The following CHST8 variants were observed in gnomAD, a reference collection of about 807,000 sequenced individuals.
CHST8 encodes the protein GALNAC-4-ST1.
A neutral mutation model predicts 15.0 loss-of-function variants in CHST8; 10 were observed. That is an observed-to-expected ratio of 0.67 (90% CI 0.41 to 1.13). The LOEUF (loss-of-function observed/expected upper bound fraction) is 1.13, where lower values mean the gene tolerates loss of function less well. CHST8 is among the 50% of genes most tolerant of loss of function. The probability of loss-of-function intolerance (pLI) is 0.00; values close to 1 mark genes in which losing one functional copy is unlikely to be tolerated. For synonymous variants in CHST8, 259 were observed against 256.6 expected, an observed-to-expected ratio of 1.01 and a Z score of -0.09; for missense variants, 634 against 608.2, an observed-to-expected ratio of 1.04 and a Z score of -0.45.
In CHST8 at chr19:33,726,194, G is replaced by C. The variant is rs78925746; in HGVS notation, c.130+36803G>C. 6.2e-3 allele frequency among the ~76,000 whole-genome samples: 940 copies of C among 152,236 alleles called. 6 individuals are homozygous for C. Among genetic ancestry groups the C allele is most frequent in the Middle Eastern group, 0.024 (7 of 294 alleles). ...GAAGGTGTGGTGGTAGATGGGGCAG[G>C]GGACAGGGCCAGCCAGTCACATACC... On this transcript the variant is annotated intron_variant, in intron 3 of 4. Transcript: ENST00000650847.
At chr19:33,726,556 A>G (rs1973904067) in intron 3 of CHST8, among the ~76,000 whole-genome samples, 1 of 152,066 alleles carries the variant, frequency 6.6e-6, no homozygotes, top group Non-Finnish European at 1.5e-5. Context: ...TAATAATAAT[A>G]AAAGTGTGAG....
chr19:33,772,709 T>G lies in CHST8; in HGVS notation c.921T>G (p.Arg307=). The change falls in exon 5 of 5, where the codon CGT becomes CGG. Residue 307 remains arginine, a synonymous_variant. Coordinates refer to ENST00000650847, the MANE Select transcript of CHST8 (RefSeq NM_001127895.2). ...CCCTGCGGACCGGCTCTGGGGTGCG[T>G]TTTCCCGAGTTCGTCCAGTACCTGC... ...REALRTGSGV[R]FPEFVQYLLD... The G allele has an allele frequency of 6.2e-7, 1 of 1,613,278 alleles. No homozygotes were observed. The highest frequency in any genetic ancestry group is 1.7e-4 in the Middle Eastern group (1 of 6,060).
rs1371595682 is a variant in CHST8 at position 33,772,866 on chromosome 19, A to G, written c.1078A>G (p.Ser360Gly). The G allele has an allele frequency of 1.2e-6, 2 of 1,613,336 alleles. No homozygotes were observed. Among genetic ancestry groups the G allele is most frequent in the African/African-American group, 2.7e-5 (2 of 74,924 alleles). The change falls in exon 5 of 5, where the codon AGC (serine) becomes GGC (glycine). Residue 360 changes from serine (S) to glycine (G), a missense_variant. Transcript: ENST00000650847. The stretch of plus-strand genomic sequence containing the variant: ...GGAGGACGATGCCAACTTCTTCCTG[A>G]GCCTCATCCGCGCGCCGCGGAACCT... ...SMEDDANFFL[S>G]LIRAPRNLTF...
At chr19:33,731,323 A>G (rs1973988667) in intron 3 of CHST8, among the ~76,000 whole-genome samples, 1 of 152,216 alleles carries the variant, frequency 6.6e-6, no homozygotes, top group East Asian at 1.9e-4. Context: ...TTTCCGAGAA[A>G]GGGGTGGGCA....
intron 3 of CHST8, among the ~76,000 whole-genome samples, chr19:33,732,478 C>A (rs971354600): frequency 6.6e-6 from 1 of 151,702 alleles, no homozygotes; most frequent in Non-Finnish European, 1.5e-5. Flanking sequence ...GTCAGGTGTT[C>A]CTGTGAATCT....
intron 1 of CHST8, among the ~76,000 whole-genome samples, chr19:33,650,501 CTTTTTCT>C (rs1269854258): frequency 1.2e-4 from 6 of 50,928 alleles, no homozygotes; most frequent in Admixed American, 1.0e-3. Flanking sequence ...TTTTCTTTTT[CTTTTTCT>C]TTTTCTTTTC....
chr19:33,633,172 T>C (rs936162457), intron 1 of CHST8, among the ~76,000 whole-genome samples: 1 of 152,230 alleles, frequency 6.6e-6, no homozygotes, highest in Non-Finnish European at 1.5e-5. Flanking sequence ...ATGCAGTATG[T>C]ATGCTCCCAT....
chr19:33,696,377 G>A (rs10421424), intron 3 of CHST8, among the ~76,000 whole-genome samples: 51,004 of 151,620 alleles, frequency 0.34, 9,042 homozygotes, highest in Middle Eastern at 0.44. Flanking sequence ...AGTGGTGCGC[G>A]AGCTATCAAA....
intron 2 of CHST8, among the ~76,000 whole-genome samples, chr19:33,679,702 G>C (rs1206680144): frequency 6.6e-6 from 1 of 152,192 alleles, no homozygotes; most frequent in Admixed American, 6.5e-5. Flanking sequence ...TCAGATCTGG[G>C]GTGGCGCTTA....
intron 3 of CHST8, among the ~76,000 whole-genome samples, chr19:33,750,867 A>T (rs1568354932): frequency 6.6e-6 from 1 of 151,548 alleles, no homozygotes; most frequent in Non-Finnish European, 1.5e-5. Context: ...CAGGCTCACC[A>T]CTGGTACCCC....
intron 1 of CHST8, among the ~76,000 whole-genome samples, chr19:33,626,125 G>A (rs555538927): frequency 2.6e-5 from 4 of 152,282 alleles, no homozygotes; most frequent in African/African-American, 9.6e-5. Flanking sequence ...TGCGGCAGAC[G>A]CCATCTCATT....
chr19:33,657,156 C>CACAAAAAA (rs756944119), intron 1 of CHST8, among the ~76,000 whole-genome samples: 2 of 146,520 alleles, frequency 1.4e-5, no homozygotes, highest in African/African-American at 5.4e-5. Context: ...CACACACACA[C>CACAAAAAA]AAACACACAT....
chr19:33,681,003 C>T (rs777188615), intron 2 of CHST8, among the ~76,000 whole-genome samples: 12 of 152,224 alleles, frequency 7.9e-5, no homozygotes, highest in South Asian at 2.1e-4. Context: ...TTTGCAAAAC[C>T]GTAGAACAGT....
intron 1 of CHST8, among the ~76,000 whole-genome samples, chr19:33,627,890 C>T (rs1972076402): frequency 6.6e-6 from 1 of 152,140 alleles, no homozygotes; most frequent in Admixed American, 6.5e-5. Context: ...TGGAGACCCT[C>T]CTCATTTATT....
intron 3 of CHST8, among the ~76,000 whole-genome samples, chr19:33,733,364 G>A (rs1974028164): frequency 6.6e-6 from 1 of 151,662 alleles, no homozygotes; most frequent in African/African-American, 2.4e-5. Flanking sequence ...CTCCCAAGTA[G>A]CTAAGATTAC....
rs140457879 is a variant in CHST8, at chr19:33,651,732, T to C, written c.-163-16035T>C. Among the ~76,000 whole-genome samples, 927 of 152,324 alleles carry C rather than the reference T, an allele frequency of 6.1e-3. 9 individuals carry two copies. Among genetic ancestry groups the C allele is most frequent in the Middle Eastern group, 0.017 (5 of 294 alleles). On this transcript the variant is annotated intron_variant, in intron 1 of 4. Transcript: ENST00000650847. Reference sequence around the variant, plus strand: ...AGTTTCTAATTTTATTGCATTGTGGTGCAATGTGATAAAATTGCAGAGATT... The same window carrying C: ...AGTTTCTAATTTTATTGCATTGTGGCGCAATGTGATAAAATTGCAGAGATT...
intron 1 of CHST8, among the ~76,000 whole-genome samples, chr19:33,645,891 C>T (rs1003990947): frequency 5.3e-5 from 8 of 152,060 alleles, no homozygotes. Flanking sequence ...CTTTGGGAGG[C>T]CATGGTGGGT....
At chr19:33,634,835 C>T (rs920926406) in intron 1 of CHST8, among the ~76,000 whole-genome samples, 2 of 152,090 alleles carry the variant, frequency 1.3e-5, no homozygotes, top group Admixed American at 6.6e-5. Context: ...GCTGACTTGG[C>T]GGGGACTCGT....
At chr19:33,736,838 C>T (rs1408879997) in intron 3 of CHST8, among the ~76,000 whole-genome samples, 1 of 152,074 alleles carries the variant, frequency 6.6e-6, no homozygotes, top group Non-Finnish European at 1.5e-5. Flanking sequence ...GTGTCACTGC[C>T]ATTCTGAGAT....
Sources: allele counts gnomAD v4.1 joint callset (sites outside exome capture counted in the v4.1 genomes callset), GRCh38; gene constraint gnomAD v4.1.1; transcripts MANE v1.5; gene names NCBI Gene and HGNC (gene_info 2026-07-23, HGNC 2026-07-21).